SESTD1: variants seen among roughly 807,000 people sequenced by gnomAD.
The protein encoded by SESTD1 is SEC14 and spectrin domain containing 1.
In SESTD1, 43 loss-of-function variants were observed where a neutral mutation model predicts 101.7. That is an observed-to-expected ratio of 0.42 (90% confidence interval 0.33 to 0.55). The LOEUF (loss-of-function observed/expected upper bound fraction) is 0.55, where lower values mean the gene tolerates loss of function less well. SESTD1 is among the 20% of genes least tolerant of loss of function. The pLI is 0.07. For synonymous variants in SESTD1, 283 were observed against 286.8 expected (o/e 0.99, Z 0.13); for missense variants, 647 against 815.1 (o/e 0.79, Z 2.51).
chr2:179,198,862 C>T (rs1275357733), intron 1 of SESTD1, among the ~76,000 whole-genome samples: 2 of 150,588 alleles, frequency 1.3e-5, no homozygotes, highest in African/African-American at 2.4e-5. Context: ...AGGAAAGATC[C>T]AAAATTGACA....
chr2:179,253,664 G>T (rs1163093106), intron 1 of SESTD1, among the ~76,000 whole-genome samples: 1 of 152,100 alleles, frequency 6.6e-6, no homozygotes, highest in Non-Finnish European at 1.5e-5. Context: ...TGTATAAAAA[G>T]GATGGGAAAT....
intron 13 of SESTD1, among the ~76,000 whole-genome samples, chr2:179,120,122 G>A (rs555410782): frequency 4.7e-4 from 72 of 152,102 alleles, no homozygotes; most frequent in Admixed American, 4.0e-3. Flanking sequence ...CCAGCTACTC[G>A]GAAGGCTGAG....
chr2:179,223,626 T>C (rs1176287494), intron 1 of SESTD1, among the ~76,000 whole-genome samples: 1 of 151,996 alleles, frequency 6.6e-6, no homozygotes, highest in Non-Finnish European at 1.5e-5. Context: ...TATCCCCAAG[T>C]GGTACTATAA....
At chr2:179,167,380 A>C (rs2045853397) in intron 5 of SESTD1, among the ~76,000 whole-genome samples, 3 of 152,238 alleles carry the variant, frequency 2.0e-5, no homozygotes, top group Non-Finnish European at 4.4e-5. Flanking sequence ...AGACCAAAGA[A>C]AATGGTGAGA....
At chr2:179,259,617 G>T (rs1321393930) in intron 1 of SESTD1, among the ~76,000 whole-genome samples, 1 of 151,956 alleles carries the variant, frequency 6.6e-6, no homozygotes, top group Non-Finnish European at 1.5e-5. Context: ...ATAAACATAG[G>T]ACAGAACAAA....
chr2:179,194,646 G>T (rs1349696102), intron 1 of SESTD1, among the ~76,000 whole-genome samples: 3 of 152,082 alleles, frequency 2.0e-5, no homozygotes, highest in Admixed American at 1.3e-4. Context: ...TCTTAGGTGG[G>T]GTTATCAAGA....
intron 5 of SESTD1, among the ~76,000 whole-genome samples, chr2:179,168,808 C>G (rs1050753870): frequency 3.3e-5 from 5 of 152,056 alleles, no homozygotes; most frequent in African/African-American, 1.2e-4. Context: ...AAAAATGCAG[C>G]AATGTAGTGT....
chr2:179,226,101 C>T (rs1050754857), intron 1 of SESTD1, among the ~76,000 whole-genome samples: 1 of 152,120 alleles, frequency 6.6e-6, no homozygotes, highest in Non-Finnish European at 1.5e-5. Context: ...TTAAACATAT[C>T]AAAAATGTAT....
intron 1 of SESTD1, among the ~76,000 whole-genome samples, chr2:179,240,371 A>C (rs1212077412): frequency 6.6e-6 from 1 of 152,184 alleles, no homozygotes; most frequent in Non-Finnish European, 1.5e-5. Context: ...CCTCTCACTA[A>C]GTACAAATAA....
At chr2:179,212,603 C>A (rs181479024) in intron 1 of SESTD1, among the ~76,000 whole-genome samples, 1 of 136,316 alleles carries the variant, frequency 7.3e-6, no homozygotes, top group East Asian at 2.0e-4. Flanking sequence ...TGCAGACTTA[C>A]AAGTCCCTGT....
chr2:179,133,730 G>A (rs2045068146), intron 9 of SESTD1, among the ~76,000 whole-genome samples: 1 of 152,072 alleles, frequency 6.6e-6, no homozygotes, highest in Non-Finnish European at 1.5e-5. Flanking sequence ...ATACATTTCT[G>A]CTTTTACCAG....
At chr2:179,136,373 A>G (rs1015387817) in intron 9 of SESTD1, among the ~76,000 whole-genome samples, 1 of 152,170 alleles carries the variant, frequency 6.6e-6, no homozygotes, top group African/African-American at 2.4e-5. Context: ...TCTGCATTTT[A>G]CAATAACAAC....
intron 1 of SESTD1, among the ~76,000 whole-genome samples, chr2:179,240,483 C>T (rs2105546396): frequency 6.6e-6 from 1 of 152,238 alleles, no homozygotes; most frequent in East Asian, 1.9e-4. Context: ...ATTAAGTTTC[C>T]CTTGAGTTTT....
At chr2:179,151,615 G>A (rs1441310252) in intron 5 of SESTD1, among the ~76,000 whole-genome samples, 2 of 151,836 alleles carry the variant, frequency 1.3e-5, no homozygotes, top group African/African-American at 4.8e-5. Context: ...AAAAACAACA[G>A]GTACCAGCAG....
At chr2:179,250,944 A>C (rs1486631734) in intron 1 of SESTD1, among the ~76,000 whole-genome samples, 1 of 152,212 alleles carries the variant, frequency 6.6e-6, no homozygotes, top group Admixed American at 6.5e-5. Context: ...CAGAGAAATG[A>C]AGACTCATGT....
chr2:179,130,781 G>A (rs1411418048), intron 10 of SESTD1, among the ~76,000 whole-genome samples: 1 of 151,862 alleles, frequency 6.6e-6, no homozygotes, highest in Non-Finnish European at 1.5e-5. Flanking sequence ...GAACTAAAGA[G>A]AGGAACAAAT....
At chr2:179,129,528 G>A (rs2044960238) in intron 10 of SESTD1, among the ~76,000 whole-genome samples, 1 of 152,042 alleles carries the variant, frequency 6.6e-6, no homozygotes, top group South Asian at 2.1e-4. Flanking sequence ...CTTTATTTCT[G>A]CATTATGCTT....
intron 1 of SESTD1, among the ~76,000 whole-genome samples, chr2:179,214,264 CAAAAT>C (rs1052482579): frequency 3.0e-5 from 4 of 132,712 alleles, no homozygotes; most frequent in African/African-American, 1.2e-4. Context: ...CACATAGGCT[CAAAAT>C]AAAGGGATGG....
intron 1 of SESTD1, among the ~76,000 whole-genome samples, chr2:179,196,616 T>C (rs184729673): frequency 6.8e-4 from 104 of 152,300 alleles, no homozygotes; most frequent in African/African-American, 2.4e-3. Flanking sequence ...GATCTGAGAA[T>C]GGGCAGACTG....
Sources: allele counts gnomAD v4.1 joint callset (sites outside exome capture counted in the v4.1 genomes callset), GRCh38; gene constraint gnomAD v4.1.1; transcripts MANE v1.5; gene names NCBI Gene and HGNC (gene_info 2026-07-23, HGNC 2026-07-21).